STK33: variants seen among roughly 807,000 people sequenced by gnomAD.
The protein encoded by STK33 is serine/threonine-protein kinase 33.
Under a neutral mutation model 58.0 loss-of-function variants are expected in STK33, and 52 were observed. The observed-to-expected ratio is 0.90, with a 90% CI of 0.72 to 1.13. The LOEUF is 1.13. Ranked by LOEUF, STK33 falls within the 50% of genes most tolerant of loss-of-function variation. The pLI is 0.00. For missense variants in STK33, 630 were observed against 604.2 expected (o/e 1.04, Z -0.45); for synonymous variants, 215 against 200.1 (o/e 1.07, Z -0.63).
chr11:8,373,292 G>C, the STK33 span, among the ~76,000 whole-genome samples: 3 of 152,202 alleles, frequency 2.0e-5, no homozygotes, highest in Non-Finnish European at 2.9e-5. Flanking sequence ...CAGACTCAAG[G>C]GGTTGGGGAA....
the STK33 span, among the ~76,000 whole-genome samples, chr11:8,365,587 G>C: frequency 6.6e-6 from 1 of 152,168 alleles, no homozygotes; most frequent in Non-Finnish European, 1.5e-5. Context: ...CACAGAGTCT[G>C]AATCCTATTC....
chr11:8,503,840 A>G (rs147369773), intron 1 of STK33, among the ~76,000 whole-genome samples: 2 of 152,100 alleles, frequency 1.3e-5, no homozygotes, highest in East Asian at 3.9e-4. Context: ...CTTGTCACCA[A>G]TCTCCTTATC....
At chr11:8,462,442 T>TACACAC (rs10635095) in intron 7 of STK33, among the ~76,000 whole-genome samples, 96 of 128,346 alleles carry the variant, frequency 7.5e-4, no homozygotes, top group African/African-American at 1.7e-3. Context: ...TATACATATA[T>TACACAC]ACACACACAC....
intron 14 of STK33, among the ~76,000 whole-genome samples, chr11:8,423,402 G>A (rs7950679): frequency 0.012 from 1,857 of 151,916 alleles, 40 homozygotes; most frequent in African/African-American, 0.042. Context: ...CATGTTTGCT[G>A]TATCCTCCAA....
chr11:8,398,678 A>C (rs1849812029), intron 15 of STK33, among the ~76,000 whole-genome samples: 2 of 152,232 alleles, frequency 1.3e-5, no homozygotes, highest in African/African-American at 4.8e-5. Context: ...AATTGGATAA[A>C]GAGTCAAGAT....
intron 1 of STK33, among the ~76,000 whole-genome samples, chr11:8,589,550 G>T (rs1174421035): frequency 3.3e-5 from 5 of 152,094 alleles, no homozygotes; most frequent in Non-Finnish European, 7.4e-5. Flanking sequence ...TCTTCCTGAG[G>T]GTGATAAAAA....
chr11:8,558,722 T>C (rs1439368203), intron 1 of STK33, among the ~76,000 whole-genome samples: 1 of 152,194 alleles, frequency 6.6e-6, no homozygotes, highest in African/African-American at 2.4e-5. Flanking sequence ...TGGGCTCGGT[T>C]CAACTATGTG....
the STK33 span, among the ~76,000 whole-genome samples, chr11:8,382,686 C>A: frequency 1.3e-5 from 2 of 152,212 alleles, no homozygotes; most frequent in East Asian, 1.9e-4. Context: ...TGCCAAACCT[C>A]TCCTGTTTCC....
intron 1 of STK33, among the ~76,000 whole-genome samples, chr11:8,490,388 C>G (rs180754911): frequency 6.6e-5 from 10 of 152,286 alleles, no homozygotes; most frequent in Middle Eastern, 6.8e-3. Flanking sequence ...ATTGCTGAGG[C>G]TTGAGTAGGT....
intron 8 of STK33, among the ~76,000 whole-genome samples, chr11:8,460,204 A>G (rs1206718634): frequency 6.6e-6 from 1 of 152,214 alleles, no homozygotes. Flanking sequence ...AAAAATTAAC[A>G]GGCATATAAA....
intron 1 of STK33, among the ~76,000 whole-genome samples, chr11:8,561,295 G>T (rs572091101): frequency 1.3e-5 from 2 of 152,194 alleles, no homozygotes; most frequent in South Asian, 4.1e-4. Context: ...GCTTGACCAG[G>T]TATTAAATCT....
chr11:8,458,929 C>T (rs991043216), intron 8 of STK33, among the ~76,000 whole-genome samples: 4 of 152,126 alleles, frequency 2.6e-5, no homozygotes, highest in Non-Finnish European at 2.9e-5. Flanking sequence ...CTTCCTATAG[C>T]GCAATTCAGA....
chr11:8,486,458 T>C (rs1426850521), intron 1 of STK33, among the ~76,000 whole-genome samples: 2 of 152,260 alleles, frequency 1.3e-5, no homozygotes, highest in African/African-American at 2.4e-5. Context: ...CTACTCTTCC[T>C]GCAAATCTTA....
chr11:8,563,383 G>A (rs1451520156), intron 1 of STK33, among the ~76,000 whole-genome samples: 1 of 152,154 alleles, frequency 6.6e-6, no homozygotes, highest in Non-Finnish European at 1.5e-5. Flanking sequence ...AGGGGATCAT[G>A]AGGAAGGGTG....
intron 15 of STK33, among the ~76,000 whole-genome samples, chr11:8,399,162 A>G (rs555832057): frequency 6.6e-6 from 1 of 152,248 alleles, no homozygotes; most frequent in Non-Finnish European, 1.5e-5. Context: ...AACAGACTAT[A>G]CATTCTTTTC....
At chr11:8,358,781 G>A in the STK33 span, among the ~76,000 whole-genome samples, 4 of 152,162 alleles carry the variant, frequency 2.6e-5, no homozygotes, top group Non-Finnish European at 5.9e-5. Context: ...TGACATAAAT[G>A]AATAAATTGA....
chr11:8,549,587 T>C (rs1956169535), intron 1 of STK33, among the ~76,000 whole-genome samples: 2 of 152,204 alleles, frequency 1.3e-5, no homozygotes, highest in African/African-American at 4.8e-5. Flanking sequence ...ACACATTTGT[T>C]AGAATTCAGT....
chr11:8,461,937 A>C, intron 7 of STK33, 28 bp from the exon 8 acceptor site: 2 of 1,533,240 alleles, frequency 1.3e-6, no homozygotes, highest in Non-Finnish European at 1.8e-6. Flanking sequence ...CACAGATTTC[A>C]CATAATGAAA....
chr11:8,506,119 A>G (rs79305858), intron 1 of STK33, among the ~76,000 whole-genome samples: 8,577 of 152,284 alleles, frequency 0.056, 330 homozygotes, highest in Non-Finnish European at 0.075. Flanking sequence ...TTTGATAGCT[A>G]TAATTGTCAC....
Sources: allele counts gnomAD v4.1 joint callset (sites outside exome capture counted in the v4.1 genomes callset), GRCh38; gene constraint gnomAD v4.1.1; transcripts MANE v1.5; gene names NCBI Gene and HGNC (gene_info 2026-07-23, HGNC 2026-07-21).